Variants in PHLDB2 observed in about 807,000 individuals in gnomAD.
The protein encoded by PHLDB2 is pleckstrin homology like domain family B member 2.
A neutral mutation model predicts 123.6 loss-of-function variants in PHLDB2; 71 were observed. The observed-to-expected ratio is 0.57, with a 90% CI of 0.47 to 0.70. The LOEUF is 0.70. Among genes scored for constraint, PHLDB2 ranks in the 30% least tolerant of loss-of-function variants. The pLI is 0.00. For synonymous variants in PHLDB2, 547 were observed against 541.6 expected (o/e 1.01, Z -0.14); for missense variants, 1,446 against 1,519.5 (o/e 0.95, Z 0.80).
At chr3:111,946,739 T>G (rs959009244) in intron 9 of PHLDB2, among the ~76,000 whole-genome samples, 4 of 152,164 alleles carry the variant, frequency 2.6e-5, no homozygotes, top group African/African-American at 9.7e-5. Context: ...ATGGGAGGCC[T>G]TTAAGTGGTT....
At chr3:111,962,404 C>G (rs1474667640) in intron 13 of PHLDB2, 92 bp downstream of exon 13, 2 of 1,189,532 alleles carry the variant, frequency 1.7e-6, no homozygotes, top group East Asian at 2.4e-5. Flanking sequence ...TGTATATGCA[C>G]AAGCCCAAAT....
intron 17 of PHLDB2, 65 bp downstream of exon 17, chr3:111,973,882 G>A: frequency 2.9e-6 from 3 of 1,032,548 alleles, no homozygotes; most frequent in Non-Finnish European, 4.4e-6. Context: ...AAATATTTTT[G>A]GAGTCTAAGA....
chr3:111,891,708 G>A (rs752359928), intron 2 of PHLDB2, among the ~76,000 whole-genome samples: 4 of 151,878 alleles, frequency 2.6e-5, no homozygotes, highest in Non-Finnish European at 4.4e-5. Flanking sequence ...AAAATTTTGC[G>A]GACTGCTGTT....
chr3:111,848,171 G>A (rs933542577), intron 2 of PHLDB2, among the ~76,000 whole-genome samples: 3 of 152,128 alleles, frequency 2.0e-5, no homozygotes, highest in African/African-American at 7.2e-5. Flanking sequence ...ACAAAGGACT[G>A]ATATTTCCAG....
intron 5 of PHLDB2, among the ~76,000 whole-genome samples, chr3:111,929,152 G>A (rs923621992): frequency 2.0e-5 from 3 of 152,124 alleles, no homozygotes; most frequent in African/African-American, 7.2e-5. Flanking sequence ...TGTAGTCCCA[G>A]CTACTTGGGA....
intron 12 of PHLDB2, chr3:111,958,246 C>G (rs187427632): frequency 2.3e-3 from 2,226 of 986,600 alleles, no homozygotes; most frequent in Non-Finnish European, 2.3e-3. Context: ...GTCCTGTGCC[C>G]TCTTCTTCTG....
intron 1 of PHLDB2, among the ~76,000 whole-genome samples, chr3:111,834,160 A>T (rs62644684): frequency 0.06 from 1,502 of 25,236 alleles, 125 homozygotes; most frequent in Non-Finnish European, 0.089. Flanking sequence ...TATATATATT[A>T]TATATGTAAT....
At chr3:111,826,451 CA>C (rs1292586204) in intron 1 of PHLDB2, among the ~76,000 whole-genome samples, 3 of 152,044 alleles carry the variant, frequency 2.0e-5, no homozygotes, top group African/African-American at 7.3e-5. Context: ...GTGAGAAGAC[CA>C]CCCACATACT....
intron 10 of PHLDB2, among the ~76,000 whole-genome samples, chr3:111,950,358 G>A (rs2070630086): frequency 1.3e-5 from 2 of 152,038 alleles, no homozygotes; most frequent in African/African-American, 4.8e-5. Flanking sequence ...GTTTTAATCT[G>A]TTTTATAAAT....
chr3:111,905,538 G>T (rs2067462108), intron 2 of PHLDB2, among the ~76,000 whole-genome samples: 1 of 151,992 alleles, frequency 6.6e-6, no homozygotes, highest in Admixed American at 6.6e-5. Flanking sequence ...TGTATTTTTA[G>T]TAGAGACAGG....
chr3:111,751,359 G>A (rs897553940), intron 1 of PHLDB2, among the ~76,000 whole-genome samples: 16 of 152,184 alleles, frequency 1.1e-4, no homozygotes, highest in South Asian at 6.2e-4. Context: ...AGAACAAAAC[G>A]AGCTATAACT....
intron 2 of PHLDB2, among the ~76,000 whole-genome samples, chr3:111,897,575 G>T (rs1471513265): frequency 6.6e-6 from 1 of 152,206 alleles, no homozygotes; most frequent in East Asian, 1.9e-4. Flanking sequence ...ATTCAAAATT[G>T]CTAAGACCAT....
intron 1 of PHLDB2, among the ~76,000 whole-genome samples, chr3:111,837,915 C>T (rs1027688844): frequency 1.1e-4 from 17 of 151,962 alleles, no homozygotes; most frequent in Non-Finnish European, 2.4e-4. Context: ...TAGTGATGCA[C>T]GCCTGTAATC....
At chr3:111,876,590 C>CT (rs1335110682) in intron 1 of PHLDB2, among the ~76,000 whole-genome samples, 1 of 151,962 alleles carries the variant, frequency 6.6e-6, no homozygotes, top group Non-Finnish European at 1.5e-5. Flanking sequence ...TTAAGTTATA[C>CT]TTTAAGTTCT....
At chr3:111,816,258 G>T (rs2062072353) in intron 1 of PHLDB2, among the ~76,000 whole-genome samples, 1 of 152,172 alleles carries the variant, frequency 6.6e-6, no homozygotes, top group South Asian at 2.1e-4. Context: ...TGAGAAGAGG[G>T]CTACCATCCT....
chr3:111,922,403 ACAAG>A (rs1229057984), intron 5 of PHLDB2, among the ~76,000 whole-genome samples: 4 of 152,220 alleles, frequency 2.6e-5, no homozygotes, highest in Admixed American at 6.5e-5. Context: ...ACGGGCAGAA[ACAAG>A]CAAGGAAGCT....
chr3:111,749,404 C>A (rs973916145), intron 1 of PHLDB2, among the ~76,000 whole-genome samples: 2 of 151,894 alleles, frequency 1.3e-5, no homozygotes, highest in African/African-American at 4.8e-5. Context: ...AAATATCAAC[C>A]GTTGGTTGAT....
chr3:111,837,665 T>C (rs2063479240), intron 1 of PHLDB2, among the ~76,000 whole-genome samples: 1 of 152,188 alleles, frequency 6.6e-6, no homozygotes, highest in Non-Finnish European at 1.5e-5. Context: ...TGACATTCTG[T>C]GGGACACAAT....
chr3:111,801,075 A>G (rs1576648719), intron 1 of PHLDB2, among the ~76,000 whole-genome samples: 1 of 152,220 alleles, frequency 6.6e-6, no homozygotes, highest in African/African-American at 2.4e-5. Context: ...AAACAACATG[A>G]GCTGTGGGGT....
Sources: gnomAD v4.1 joint callset for allele counts (sites outside exome capture counted in the v4.1 genomes callset) on GRCh38, gnomAD v4.1.1 for gene constraint, MANE v1.5 for transcripts, NCBI Gene and HGNC (gene_info 2026-07-23, HGNC 2026-07-21) for gene names.